Variants in MSRA observed in about 807,000 individuals in gnomAD.
MSRA encodes methionine sulfoxide reductase A.
In MSRA, 54 loss-of-function variants were observed where a neutral mutation model predicts 31.3. That is an observed-to-expected ratio of 1.73 (90% CI 1.39 to 2.17). MSRA has a LOEUF of 2.17. MSRA is among the 30% of genes most tolerant of loss of function. The probability of loss-of-function intolerance (pLI) is 0.00; values close to 1 mark genes in which losing one functional copy is unlikely to be tolerated. For missense variants in MSRA, 507 were observed against 300.9 expected (o/e 1.69, Z -5.07); for synonymous variants, 169 against 116.5 (o/e 1.45, Z -2.90).
chr8:10,271,058 C>T (rs1178128411), intron 3 of MSRA, among the ~76,000 whole-genome samples: 2 of 133,936 alleles, frequency 1.5e-5, no homozygotes, highest in African/African-American at 5.3e-5. Flanking sequence ...TGTTTGAGTT[C>T]TTTCTTCTTT....
chr8:10,250,690 T>C (rs1797870164), intron 3 of MSRA: 1 of 551,532 alleles, frequency 1.8e-6, no homozygotes, highest in Non-Finnish European at 3.2e-6. Flanking sequence ...TGTGACCCTC[T>C]GGGGGTGGTG....
At chr8:10,334,558 G>C (rs1165426721) in intron 5 of MSRA, among the ~76,000 whole-genome samples, 1 of 152,158 alleles carries the variant, frequency 6.6e-6, no homozygotes, top group Non-Finnish European at 1.5e-5. Context: ...CGCAGCCCGC[G>C]TGGTCCCGAG....
chr8:10,177,805 T>C (rs953303398), intron 1 of MSRA, among the ~76,000 whole-genome samples: 2 of 152,222 alleles, frequency 1.3e-5, no homozygotes, highest in African/African-American at 4.8e-5. Context: ...AAGCTGTGGA[T>C]GCTTAGTTGA....
At chr8:10,066,424 C>A (rs1169495360) in intron 1 of MSRA, among the ~76,000 whole-genome samples, 2 of 152,178 alleles carry the variant, frequency 1.3e-5, no homozygotes, top group African/African-American at 2.4e-5. Flanking sequence ...AAATCATACA[C>A]ACACACGCAC....
chr8:10,406,717 G>A (rs1222156340), intron 5 of MSRA, among the ~76,000 whole-genome samples: 3 of 152,164 alleles, frequency 2.0e-5, no homozygotes, highest in Admixed American at 6.5e-5. Context: ...CCCCTGCTCT[G>A]TGCTTGTTCC....
At chr8:10,057,417 G>T (rs572090161) in intron 1 of MSRA, among the ~76,000 whole-genome samples, 1 of 152,188 alleles carries the variant, frequency 6.6e-6, no homozygotes, top group African/African-American at 2.4e-5. Flanking sequence ...ATAGGCTGCA[G>T]GTAGAAGGCT....
In MSRA at chr8:10,195,864, G is replaced by T. The variant is rs547057042; in HGVS notation, c.143-11969G>T. Reference sequence around the variant, plus strand: ...AAATAAAGCCAGAATTCGTTTTCACGAACGAATAGCAGCCAGAAAGCCAAT... The same window carrying T: ...AAATAAAGCCAGAATTCGTTTTCACTAACGAATAGCAGCCAGAAAGCCAAT... On this transcript the variant is annotated intron_variant, in intron 1 of 5. Coordinates refer to ENST00000317173, the MANE Select transcript of MSRA (RefSeq NM_012331.5). 1.1e-4 allele frequency among the ~76,000 whole-genome samples: 16 copies of T among 152,276 alleles called. No homozygotes were observed. In the South Asian group the frequency reaches 3.1e-3, roughly 30 times the overall value.
chr8:10,067,085 G>T (rs909799377), intron 1 of MSRA, among the ~76,000 whole-genome samples: 1 of 152,120 alleles, frequency 6.6e-6, no homozygotes, highest in Non-Finnish European at 1.5e-5. Context: ...GGTTTTGACA[G>T]ATGCATGATG....
intron 1 of MSRA, among the ~76,000 whole-genome samples, chr8:10,113,490 G>A (rs951748331): frequency 2.0e-5 from 3 of 151,466 alleles, no homozygotes; most frequent in Non-Finnish European, 4.4e-5. Flanking sequence ...CAGAACTGAC[G>A]TTCATAGGTT....
chr8:10,204,808 C>G (rs1808802302), intron 1 of MSRA, among the ~76,000 whole-genome samples: 1 of 152,322 alleles, frequency 6.6e-6, no homozygotes, highest in East Asian at 1.9e-4. Flanking sequence ...GTTAATTTAA[C>G]AAATACTCAT....
At chr8:10,171,668 A>G (rs1341712467) in intron 1 of MSRA, among the ~76,000 whole-genome samples, 1 of 152,228 alleles carries the variant, frequency 6.6e-6, no homozygotes, top group Non-Finnish European at 1.5e-5. Context: ...AATTACCTAA[A>G]GATTATATTA....
intron 1 of MSRA, among the ~76,000 whole-genome samples, chr8:10,174,054 A>G (rs1235925838): frequency 1.3e-5 from 2 of 152,108 alleles, no homozygotes; most frequent in Non-Finnish European, 2.9e-5. Flanking sequence ...ACTCTGGCTG[A>G]TGGCAAAGTA....
intron 5 of MSRA, chr8:10,336,710 C>T (rs1035795777): frequency 3.3e-5 from 5 of 152,126 alleles, no homozygotes; most frequent in African/African-American, 4.8e-5. Context: ...AATTACAAGT[C>T]TGTATTTATT....
chr8:10,205,758 C>T (rs1176356203), intron 1 of MSRA, among the ~76,000 whole-genome samples: 1 of 152,112 alleles, frequency 6.6e-6, no homozygotes, highest in Non-Finnish European at 1.5e-5. Flanking sequence ...GTTCTTCTGC[C>T]AGTCTTTTCA....
intron 3 of MSRA, among the ~76,000 whole-genome samples, chr8:10,267,307 G>C (rs1563288505): frequency 6.6e-6 from 1 of 152,212 alleles, no homozygotes; most frequent in Non-Finnish European, 1.5e-5. Flanking sequence ...AGTTTGTTTG[G>C]GTTCTTATTG....
At chr8:10,358,216 A>G (rs1247578891) in intron 5 of MSRA, among the ~76,000 whole-genome samples, 1 of 152,230 alleles carries the variant, frequency 6.6e-6, no homozygotes, top group Non-Finnish European at 1.5e-5. Context: ...GGTGTGAGCC[A>G]CCATGCCTGG....
At chr8:10,106,369 C>T (rs1799882782) in intron 1 of MSRA, among the ~76,000 whole-genome samples, 1 of 152,176 alleles carries the variant, frequency 6.6e-6, no homozygotes. Flanking sequence ...TTCCTTCTTT[C>T]TCCACTTACT....
chr8:10,406,566 G>C (rs1807830340), intron 5 of MSRA, among the ~76,000 whole-genome samples: 1 of 152,182 alleles, frequency 6.6e-6, no homozygotes, highest in Non-Finnish European at 1.5e-5. Flanking sequence ...GACAGGAATG[G>C]GGGCCACAGA....
At chr8:10,196,652 C>A (rs1334429813) in intron 1 of MSRA, among the ~76,000 whole-genome samples, 1 of 152,138 alleles carries the variant, frequency 6.6e-6, no homozygotes, top group East Asian at 1.9e-4. Context: ...TGGCTTTAAG[C>A]CATTTTCCTG....
Sources: gnomAD v4.1 joint callset for allele counts (sites outside exome capture counted in the v4.1 genomes callset) on GRCh38, gnomAD v4.1.1 for gene constraint, MANE v1.5 for transcripts, NCBI Gene and HGNC (gene_info 2026-07-23, HGNC 2026-07-21) for gene names.